The following GALNT13 variants were observed in gnomAD, a reference collection of about 807,000 sequenced individuals.
The protein encoded by GALNT13 is polypeptide N-acetylgalactosaminyltransferase 13, also known as UDP-GalNAc:polypeptide N-acetylgalactosaminyltransferase 13.
GALNT13 carries 28 observed loss-of-function variants against 64.2 expected under a neutral mutation model. The ratio of observed to expected loss-of-function variants is 0.44; its 90% CI spans 0.32 to 0.60. The LOEUF is 0.60. GALNT13 is among the 20% of genes least tolerant of loss of function. The pLI is 0.05. For missense variants in GALNT13, 577 were observed against 669.8 expected, an observed-to-expected ratio of 0.86 and a Z score of 1.53; for synonymous variants, 214 against 224.6, an observed-to-expected ratio of 0.95 and a Z score of 0.42.
intron 3 of GALNT13, among the ~76,000 whole-genome samples, chr2:153,965,740 A>G (rs1399238343): frequency 1.3e-5 from 2 of 151,254 alleles, no homozygotes; most frequent in Non-Finnish European, 2.9e-5. Flanking sequence ...TTATCTTATA[A>G]TCAATGATTT....
chr2:154,247,269 A>C (rs2105880818), intron 7 of GALNT13, among the ~76,000 whole-genome samples: 1 of 152,134 alleles, frequency 6.6e-6, no homozygotes, highest in South Asian at 2.1e-4. Flanking sequence ...AAATTCACCA[A>C]GTCTTATTGA....
intron 3 of GALNT13, among the ~76,000 whole-genome samples, chr2:154,006,301 T>A (rs1438589056): frequency 6.6e-6 from 1 of 152,160 alleles, no homozygotes; most frequent in African/African-American, 2.4e-5. Context: ...TACATTAAAT[T>A]TTTTGCTAAA....
chr2:153,849,164 CAAT>C, the GALNT13 span, among the ~76,000 whole-genome samples: 5 of 152,042 alleles, frequency 3.3e-5, no homozygotes, highest in African/African-American at 1.2e-4. Context: ...ACAAAACTAA[CAAT>C]AAGAGAGTAA....
intron 2 of GALNT13, among the ~76,000 whole-genome samples, chr2:153,942,110 A>G (rs888495989): frequency 3.3e-5 from 5 of 152,168 alleles, no homozygotes; most frequent in Admixed American, 1.3e-4. Flanking sequence ...CAGATTTTCT[A>G]TTATAATAAT....
chr2:154,236,725 A>G (rs1428738920), intron 4 of GALNT13, among the ~76,000 whole-genome samples: 2 of 152,088 alleles, frequency 1.3e-5, no homozygotes, highest in Admixed American at 6.6e-5. Flanking sequence ...GTGCTCTACA[A>G]TAATGTCAAT....
the GALNT13 span, among the ~76,000 whole-genome samples, chr2:153,413,013 A>G: frequency 6.6e-6 from 1 of 152,190 alleles, no homozygotes; most frequent in Non-Finnish European, 1.5e-5. Context: ...ACCATGAGGT[A>G]TTATACACAA....
At chr2:153,372,462 A>G in the GALNT13 span, among the ~76,000 whole-genome samples, 1 of 152,134 alleles carries the variant, frequency 6.6e-6, no homozygotes, top group Non-Finnish European at 1.5e-5. Flanking sequence ...CCTGGCTAAC[A>G]TGGTGAAACC....
At chr2:153,421,142 G>A in the GALNT13 span, 2 of 250,370 alleles carry the variant, frequency 8.0e-6, no homozygotes, top group South Asian at 5.5e-5. Flanking sequence ...AGTGAGCACT[G>A]GTGACCTCTG....
At chr2:154,410,972 G>T (rs1306770654) in intron 11 of GALNT13, among the ~76,000 whole-genome samples, 1 of 151,866 alleles carries the variant, frequency 6.6e-6, no homozygotes, top group Admixed American at 6.6e-5. Flanking sequence ...CTTGCTGGCA[G>T]TCCTATATCT....
chr2:154,245,890 T>C lies in GALNT13; in HGVS notation c.765T>C (p.Tyr255=), dbSNP rs375635744. ...FEYMAGSDMT[Y]GGFNWKLNFR... ...ATATGGCTGGGTCAGACATGACTTATGGGGGTTTTAACTGGAAACTGAATT... is the reference window on the plus strand; with the variant it reads ...ATATGGCTGGGTCAGACATGACTTACGGGGGTTTTAACTGGAAACTGAATT... The change falls in exon 7 of 13, where the codon TAT becomes TAC. Residue 255 remains tyrosine, a synonymous_variant. Coordinates refer to ENST00000392825, the MANE Select transcript of GALNT13 (RefSeq NM_052917.4). The C allele has an allele frequency of 1.1e-4, 182 of 1,612,936 alleles. 1 individual carries two copies. Among genetic ancestry groups the C allele is most frequent in the Middle Eastern group, 1.6e-4 (1 of 6,070 alleles).
intron 4 of GALNT13, among the ~76,000 whole-genome samples, chr2:154,152,700 C>G (rs1001206265): frequency 1.3e-5 from 2 of 152,170 alleles, no homozygotes; most frequent in Non-Finnish European, 2.9e-5. Context: ...ATCACTGATA[C>G]TCTTTCTTCC....
chr2:154,225,898 C>G (rs986113845), intron 4 of GALNT13, among the ~76,000 whole-genome samples: 1 of 152,012 alleles, frequency 6.6e-6, no homozygotes, highest in African/African-American at 2.4e-5. Flanking sequence ...ACAGTCCTTC[C>G]TTATGGGTGT....
chr2:153,393,612 T>G, the GALNT13 span, among the ~76,000 whole-genome samples: 4 of 152,100 alleles, frequency 2.6e-5, no homozygotes, highest in Non-Finnish European at 4.4e-5. Flanking sequence ...TCGTGGTACC[T>G]GGACAGTTGG....
At chr2:153,478,222 G>T in the GALNT13 span, 1 of 1,597,794 alleles carries the variant, frequency 6.3e-7, no homozygotes, top group Non-Finnish European at 8.5e-7. Flanking sequence ...GTTGCCGCGG[G>T]GGCAGAGGGC....
the GALNT13 span, among the ~76,000 whole-genome samples, chr2:153,305,903 G>A: frequency 6.6e-6 from 1 of 152,158 alleles, no homozygotes; most frequent in Non-Finnish European, 1.5e-5. Context: ...GTTTGCTAAA[G>A]CATCTTCACT....
At chr2:153,219,242 G>T in the GALNT13 span, among the ~76,000 whole-genome samples, 2 of 152,188 alleles carry the variant, frequency 1.3e-5, no homozygotes, top group South Asian at 4.1e-4. Flanking sequence ...TGGTAGAATT[G>T]TAAGCACAAA....
rs758453204 is a variant in GALNT13, at chr2:154,305,390, AAC to A, written c.1156+3816_1156+3817del. Among the ~76,000 whole-genome samples, 1,040 of 150,738 alleles carry A rather than the reference AAC, an allele frequency of 6.9e-3. 7 individuals are homozygous for A. Among genetic ancestry groups the A allele is most frequent in the Non-Finnish European group, 0.01 (690 of 67,540 alleles). ...TTACTATAATACACATGCACACACA[AAC>A]ACACACACACACACGCGTATTTATG... On this transcript the variant is annotated intron_variant, in intron 9 of 12. Coordinates refer to ENST00000392825, the MANE Select transcript of GALNT13 (RefSeq NM_052917.4).
At chr2:153,758,081 T>C in the GALNT13 span, among the ~76,000 whole-genome samples, 1 of 152,192 alleles carries the variant, frequency 6.6e-6, no homozygotes, top group African/African-American at 2.4e-5. Flanking sequence ...AGTTTTCCCC[T>C]GTTCTTTTTC....
chr2:153,822,627 T>C, the GALNT13 span, among the ~76,000 whole-genome samples: 1 of 152,148 alleles, frequency 6.6e-6, no homozygotes, highest in Admixed American at 6.5e-5. Flanking sequence ...CAACATGTAC[T>C]GAATGGACAA....
Sources: allele counts gnomAD v4.1 joint callset (sites outside exome capture counted in the v4.1 genomes callset), GRCh38; gene constraint gnomAD v4.1.1; transcripts MANE v1.5; gene names NCBI Gene and HGNC (gene_info 2026-07-23, HGNC 2026-07-21).